The following TAOK1 variants were observed in gnomAD, a reference collection of about 807,000 sequenced individuals.
TAOK1 encodes TAO kinase 1, also known as serine/threonine-protein kinase TAO1.
Under a neutral mutation model 138.3 loss-of-function variants are expected in TAOK1, and 21 were observed. The ratio of observed to expected loss-of-function variants is 0.15; its 90% confidence interval spans 0.11 to 0.22. The LOEUF (loss-of-function observed/expected upper bound fraction) is 0.22, where lower values mean the gene tolerates loss of function less well. Among genes scored for constraint, TAOK1 ranks in the 10% least tolerant of loss-of-function variants. The pLI is 1.00. For missense variants in TAOK1, 651 were observed against 1,227.7 expected, an observed-to-expected ratio of 0.53 and a Z score of 7.02; for synonymous variants, 361 against 398.4, an observed-to-expected ratio of 0.91 and a Z score of 1.12.
At chr17:29,436,007 GT>G (rs1049139079) in intron 1 of TAOK1, among the ~76,000 whole-genome samples, 9 of 152,140 alleles carry the variant, frequency 5.9e-5, no homozygotes, top group African/African-American at 2.2e-4. Context: ...GCTGGTGCCT[GT>G]AATCCCAGCT....
intron 19 of TAOK1, among the ~76,000 whole-genome samples, chr17:29,541,768 T>G (rs1281373967): frequency 1.3e-5 from 2 of 151,168 alleles, no homozygotes; most frequent in Admixed American, 1.3e-4. Context: ...AGTGCAAGAC[T>G]CCGTCTCAAA....
Position 29,549,820 on chromosome 17 carries a change from CCTT to C in TAOK1, c.*6802_*6804del, listed in dbSNP as rs776604333. 5.3e-5 allele frequency: 8 copies of C among 152,274 alleles called. No individual in the cohort carries two copies. In the South Asian group the frequency reaches 1.7e-3, roughly 32 times the overall value. 9.4% of individuals were successfully genotyped at this position (152,274 alleles called of 1,614,324 possible). A position where few individuals can be genotyped will look rare whatever the true frequency, so the allele number is the denominator to read the frequency against. On this transcript the variant is annotated 3_prime_UTR_variant, in exon 20 of 20. Transcript: ENST00000261716. ...GTTCCCATTCCAAATGTGCTGCTGT[CCTT>C]CTTTGCATTTCACAATATCAAAGAA...
In TAOK1 at chr17:29,548,484, A is replaced by G. The variant is rs1010718427; in HGVS notation, c.*5462A>G. 1.3e-5 allele frequency: 2 copies of G among 152,078 alleles called. No individual in the cohort carries two copies. Among genetic ancestry groups the G allele is most frequent in the Non-Finnish European group, 2.9e-5 (2 of 67,984 alleles). 9.4% of individuals were successfully genotyped at this position (152,078 alleles called of 1,614,324 possible). A position where few individuals can be genotyped will look rare whatever the true frequency, so the allele number is the denominator to read the frequency against. On this transcript the variant is annotated 3_prime_UTR_variant, in exon 20 of 20. Coordinates refer to ENST00000261716, the MANE Select transcript of TAOK1 (RefSeq NM_020791.4). ...TACAAGGAATTCTTTAAATAGAGAA[A>G]AAGGTTAATCCTCACTGAAACACCA...
intron 3 of TAOK1, among the ~76,000 whole-genome samples, chr17:29,474,629 T>C (rs1049463650): frequency 7.9e-5 from 12 of 152,184 alleles, no homozygotes; most frequent in African/African-American, 2.7e-4. Flanking sequence ...CACCATCTTA[T>C]ATGGGCACAG....
At chr17:29,531,107 G>T (rs964238392) in intron 18 of TAOK1, among the ~76,000 whole-genome samples, 1 of 149,812 alleles carries the variant, frequency 6.7e-6, no homozygotes, top group African/African-American at 2.5e-5. Flanking sequence ...GACTACAGGC[G>T]CCTGCCACTA....
intron 3 of TAOK1, among the ~76,000 whole-genome samples, chr17:29,468,713 A>C (rs534940940): frequency 6.6e-6 from 1 of 151,654 alleles, no homozygotes; most frequent in East Asian, 2.0e-4. Flanking sequence ...ACACCTGGCA[A>C]ATATTTTGTA....
At chr17:29,407,845 C>G (rs1905036729) in intron 1 of TAOK1, among the ~76,000 whole-genome samples, 1 of 151,954 alleles carries the variant, frequency 6.6e-6, no homozygotes, top group Admixed American at 6.6e-5. Flanking sequence ...ATTTACCTAC[C>G]TATTTCAATG....
chr17:29,539,433 T>C (rs1270979143), intron 19 of TAOK1, among the ~76,000 whole-genome samples: 1 of 152,160 alleles, frequency 6.6e-6, no homozygotes, highest in Non-Finnish European at 1.5e-5. Context: ...TTTTTTGTTT[T>C]GTTTTGTTTT....
chr17:29,466,288 C>T (rs1177627012), intron 2 of TAOK1, among the ~76,000 whole-genome samples: 1 of 152,034 alleles, frequency 6.6e-6, no homozygotes, highest in Non-Finnish European at 1.5e-5. Flanking sequence ...GGATTACAGG[C>T]GTGCACCACT....
chr17:29,498,633 C>A, intron 12 of TAOK1, 112 bp downstream of exon 12: 1 of 1,242,476 alleles, frequency 8.0e-7, no homozygotes, highest in Non-Finnish European at 1.1e-6. Context: ...AAGTTTGGAA[C>A]ATGGCTGGGC....
At chr17:29,526,419 G>T (rs573159626) in intron 17 of TAOK1, among the ~76,000 whole-genome samples, 16 of 151,690 alleles carry the variant, frequency 1.1e-4, no homozygotes, top group South Asian at 8.3e-4. Context: ...ACCATGAATG[G>T]TTTTTTTGTT....
intron 1 of TAOK1, among the ~76,000 whole-genome samples, chr17:29,416,452 CTCAAAGAGAAGTCTTAG>C (rs1905267018): frequency 6.6e-6 from 1 of 151,684 alleles, no homozygotes; most frequent in South Asian, 2.1e-4. Context: ...CTTAAGACTT[CTCAAAGAGAAGTCTTAG>C]AGAAATTAAT....
intron 1 of TAOK1, among the ~76,000 whole-genome samples, chr17:29,411,088 G>GTTTTT (rs71138814): frequency 3.8e-4 from 36 of 94,058 alleles, no homozygotes; most frequent in Non-Finnish European, 5.1e-4. Context: ...TCTTTTTACT[G>GTTTTT]TTTTTTTTTT....
chr17:29,494,805 A>C (rs2681177), intron 10 of TAOK1, among the ~76,000 whole-genome samples: 1 of 142,774 alleles, frequency 7.0e-6, no homozygotes, highest in African/African-American at 2.6e-5. Context: ...CAGCCTGGGC[A>C]ACAGAGGGAG....
intron 9 of TAOK1, among the ~76,000 whole-genome samples, chr17:29,490,229 CTAAT>C (rs1246967527): frequency 6.6e-6 from 1 of 152,054 alleles, no homozygotes; most frequent in Non-Finnish European, 1.5e-5. Context: ...TGGGATCACT[CTAAT>C]TATCATATTT....
intron 8 of TAOK1, among the ~76,000 whole-genome samples, chr17:29,488,152 C>G (rs1358814696): frequency 2.0e-5 from 3 of 152,200 alleles, no homozygotes; most frequent in Admixed American, 1.3e-4. Context: ...ATGCTTAAGT[C>G]TCATATAAAA....
At chr17:29,411,777 A>C (rs187774221) in intron 1 of TAOK1, among the ~76,000 whole-genome samples, 2 of 152,272 alleles carry the variant, frequency 1.3e-5, no homozygotes, top group Admixed American at 1.3e-4. Context: ...AAAGTGCTTA[A>C]GTGAATTTTT....
At chr17:29,473,210 A>G (rs2153026238) in intron 3 of TAOK1, among the ~76,000 whole-genome samples, 1 of 152,352 alleles carries the variant, frequency 6.6e-6, no homozygotes, top group East Asian at 1.9e-4. Context: ...TAAAATCACA[A>G]GCTGCATTAG....
intron 19 of TAOK1, among the ~76,000 whole-genome samples, chr17:29,537,605 C>T (rs1387941938): frequency 2.0e-5 from 3 of 151,594 alleles, no homozygotes; most frequent in African/African-American, 7.3e-5. Context: ...AATCTGTCCA[C>T]CTCGGCCTCC....
Sources: gnomAD v4.1 joint callset for allele counts (sites outside exome capture counted in the v4.1 genomes callset) on GRCh38, gnomAD v4.1.1 for gene constraint, MANE v1.5 for transcripts, NCBI Gene and HGNC (gene_info 2026-07-23, HGNC 2026-07-21) for gene names.